The following WIPF3 variants were observed in gnomAD, a reference collection of about 807,000 sequenced individuals.
WIPF3 encodes the protein WAS/WASL interacting protein family member 3.
WIPF3 carries 33 observed loss-of-function variants against 38.9 expected under a neutral mutation model. That is an observed-to-expected ratio of 0.85 (90% CI 0.64 to 1.14). The LOEUF is 1.14. Among genes scored for constraint, WIPF3 ranks in the 50% most tolerant of loss-of-function variants. The pLI, the probability that WIPF3 is intolerant of heterozygous loss-of-function variation, is 0.00. For missense variants in WIPF3, 711 were observed against 652.5 expected (o/e 1.09, Z -0.98); for synonymous variants, 324 against 269.3 (o/e 1.20, Z -1.99).
intron 1 of WIPF3, among the ~76,000 whole-genome samples, chr7:29,830,017 C>T (rs1784691260): frequency 1.3e-5 from 2 of 152,140 alleles, no homozygotes; most frequent in Non-Finnish European, 2.9e-5. Flanking sequence ...TTGCGTGCAG[C>T]CCCTGACTTC....
chr7:29,888,558 C>T (rs988745441), intron 6 of WIPF3, among the ~76,000 whole-genome samples: 3 of 151,158 alleles, frequency 2.0e-5, no homozygotes, highest in African/African-American at 7.3e-5. Context: ...AATGCATAAG[C>T]CTGAAAGAGT....
At chr7:29,818,972 G>C (rs1400291627) in intron 1 of WIPF3, among the ~76,000 whole-genome samples, 1 of 152,114 alleles carries the variant, frequency 6.6e-6, no homozygotes, top group Non-Finnish European at 1.5e-5. Flanking sequence ...TGGTTGGCGT[G>C]TATTATTTTT....
chr7:29,871,763 A>G (rs1443885616), intron 2 of WIPF3, among the ~76,000 whole-genome samples: 2 of 151,952 alleles, frequency 1.3e-5, no homozygotes, highest in African/African-American at 4.8e-5. Context: ...GCCCCTCCGT[A>G]TTTTTTTTAT....
intron 1 of WIPF3, among the ~76,000 whole-genome samples, chr7:29,817,203 T>G (rs1208068932): frequency 3.3e-5 from 5 of 152,208 alleles, no homozygotes; most frequent in Non-Finnish European, 7.4e-5. Flanking sequence ...TTATTGATTT[T>G]TATTGTAGGA....
intron 5 of WIPF3, among the ~76,000 whole-genome samples, chr7:29,884,927 C>A (rs1583619351): frequency 6.6e-6 from 1 of 152,298 alleles, no homozygotes; most frequent in East Asian, 1.9e-4. Flanking sequence ...TGGAACAGGG[C>A]AACAGTGAGC....
At chr7:29,879,719 C>T (rs1785677759) in intron 4 of WIPF3, among the ~76,000 whole-genome samples, 1 of 152,178 alleles carries the variant, frequency 6.6e-6, no homozygotes, top group Non-Finnish European at 1.5e-5. Context: ...ATTTTTCCAA[C>T]CTCTGGAGCC....
chr7:29,833,159 G>A lies in WIPF3; in HGVS notation c.-57-1509G>A, dbSNP rs142614541. ...AGTAGAACAGAGGTTACTGGGGGCT[G>A]AGGGGAGGAGACAGTGGGGAGTTAT... On this transcript the variant is annotated intron_variant, in intron 1 of 8. Coordinates refer to ENST00000242140, the MANE Select transcript of WIPF3 (RefSeq NM_001080529.3). Among the ~76,000 whole-genome samples, 371 of 152,346 alleles carry A rather than the reference G, an allele frequency of 2.4e-3. 1 individual carries two copies. The highest frequency in any genetic ancestry group is 8.6e-3 in the African/African-American group (357 of 41,582).
At chr7:29,837,107 G>A (rs555687970) in intron 2 of WIPF3, among the ~76,000 whole-genome samples, 1 of 152,312 alleles carries the variant, frequency 6.6e-6, no homozygotes, top group East Asian at 1.9e-4. Context: ...TGTAATCCCA[G>A]CACTTTGGGA....
intron 1 of WIPF3, among the ~76,000 whole-genome samples, chr7:29,819,381 T>G (rs1784504206): frequency 6.6e-6 from 1 of 152,134 alleles, no homozygotes; most frequent in East Asian, 1.9e-4. Flanking sequence ...TTGTTTTATT[T>G]TGTGTATCTG....
chr7:29,835,391 A>G (rs1784784544), intron 2 of WIPF3, among the ~76,000 whole-genome samples: 1 of 152,126 alleles, frequency 6.6e-6, no homozygotes, highest in South Asian at 2.1e-4. Context: ...GAGGGTGGTC[A>G]TTTTGTTTTG....
At chr7:29,885,421 CTT>C (rs2128076349) in intron 5 of WIPF3, among the ~76,000 whole-genome samples, 1 of 152,312 alleles carries the variant, frequency 6.6e-6, no homozygotes, top group Admixed American at 6.5e-5. Flanking sequence ...ACACATATTC[CTT>C]TGTCTTTTAG....
At chr7:29,863,788 G>A (rs778771077) in intron 2 of WIPF3, among the ~76,000 whole-genome samples, 2 of 152,112 alleles carry the variant, frequency 1.3e-5, no homozygotes, top group Non-Finnish European at 2.9e-5. Flanking sequence ...TGCGTGTTTT[G>A]TTAGATTTAT....
chr7:29,905,324 G>A (rs769004150), intron 8 of WIPF3: 20 of 152,198 alleles, frequency 1.3e-4, no homozygotes, highest in Non-Finnish European at 2.1e-4. Flanking sequence ...AAAAAAGACA[G>A]GAAGAATATA....
At chr7:29,819,654 T>C (rs541036993) in intron 1 of WIPF3, among the ~76,000 whole-genome samples, 16 of 152,244 alleles carry the variant, frequency 1.1e-4, no homozygotes, top group East Asian at 7.7e-4. Context: ...CTTACAGCTA[T>C]GATTTTTGCT....
At chr7:29,819,718 A>T (rs911048848) in intron 1 of WIPF3, among the ~76,000 whole-genome samples, 3 of 151,992 alleles carry the variant, frequency 2.0e-5, no homozygotes, top group Non-Finnish European at 4.4e-5. Context: ...TGTTTTCATT[A>T]TCCTTATTTT....
intron 2 of WIPF3, among the ~76,000 whole-genome samples, chr7:29,870,143 A>G (rs1785469532): frequency 6.6e-6 from 1 of 152,162 alleles, no homozygotes; most frequent in South Asian, 2.1e-4. Context: ...AAAAGAGCAG[A>G]GATCAGCTCA....
rs1163764439 is a variant in WIPF3 at position 29,915,718 on chromosome 7, G to A, written c.*1202G>A. ...CCTCTTCTTGATCCTGTAGGGAGTGGAAATGTGTTTTTGCTTGCTGCCTGA... is the reference window on the plus strand; with the variant it reads ...CCTCTTCTTGATCCTGTAGGGAGTGAAAATGTGTTTTTGCTTGCTGCCTGA... On this transcript the variant is annotated 3_prime_UTR_variant, in exon 9 of 9. Transcript: ENST00000242140. The A allele has an allele frequency of 6.6e-6, 1 of 152,264 alleles. No individual in the cohort carries two copies. The highest frequency in any genetic ancestry group is 2.4e-5 in the African/African-American group (1 of 41,438). 9.4% of individuals were successfully genotyped at this position (152,264 alleles called of 1,614,324 possible).
At chr7:29,881,590 G>A (rs1445962552) in intron 4 of WIPF3, among the ~76,000 whole-genome samples, 1 of 151,950 alleles carries the variant, frequency 6.6e-6, no homozygotes, top group Non-Finnish European at 1.5e-5. Context: ...ATAGAGAAGA[G>A]GCCCACAAAG....
chr7:29,845,802 C>T (rs895991628), intron 2 of WIPF3, among the ~76,000 whole-genome samples: 11 of 152,166 alleles, frequency 7.2e-5, no homozygotes, highest in African/African-American at 2.7e-4. Flanking sequence ...TAGGTCAGTC[C>T]GAAGGACGTA....
Sources: gnomAD v4.1 joint callset for allele counts (sites outside exome capture counted in the v4.1 genomes callset) on GRCh38, gnomAD v4.1.1 for gene constraint, MANE v1.5 for transcripts, NCBI Gene and HGNC (gene_info 2026-07-23, HGNC 2026-07-21) for gene names.